Variants in CROCC observed in about 807,000 individuals in gnomAD.
CROCC encodes rootletin.
In CROCC, 180 loss-of-function variants were observed where a neutral mutation model predicts 245.2. That is an observed-to-expected ratio of 0.73 (90% CI 0.65 to 0.83). CROCC has a LOEUF of 0.83. CROCC is among the 40% of genes least tolerant of loss of function. The probability of loss-of-function intolerance (pLI) is 0.00; values close to 1 mark genes in which losing one functional copy is unlikely to be tolerated. For missense variants in CROCC, 2,688 were observed against 2,779.4 expected (o/e 0.97, Z 0.74); for synonymous variants, 1,205 against 1,241.6 (o/e 0.97, Z 0.62).
At position 16,969,256 on chromosome 1, in the gene CROCC, T is replaced by C. The variant is rs553170121; in HGVS notation, c.5217T>C (p.Ser1739=). Residue 1739 remains serine (S), a synonymous_variant, in exon 32 of 37, where the codon AGT becomes AGC. Transcript: ENST00000375541. ...RGLTEALAQS[S]ASLNSTRDKN... is the part of the protein sequence containing the mutation. ...TGACAGAGGCCCTGGCCCAGAGCAG[T>C]GCCAGCCTCAACAGCACCCGGGACA... 5 of 1,613,314 alleles carry C rather than the reference T, an allele frequency of 3.1e-6. No homozygotes were observed. The highest frequency in any genetic ancestry group is 2.7e-5 in the African/African-American group (2 of 75,018).
chr1:16,945,400 G>C (rs1262342296), intron 14 of CROCC, 62 bp from the exon 15 acceptor site: 14 of 1,605,762 alleles, frequency 8.7e-6, no homozygotes, highest in Admixed American at 1.7e-5. Flanking sequence ...GCATCTCGCT[G>C]GCTACAGGAG....
chr1:16,948,340 C>T lies in CROCC; in HGVS notation c.2524C>T (p.Gln842Ter). 6.4e-7 allele frequency: 1 copy of T among 1,569,468 alleles called. No individual in the cohort carries two copies. The highest frequency in any genetic ancestry group is 8.6e-7 in the Non-Finnish European group (1 of 1,162,358). Residue 842 changes from glutamine to a stop codon, truncating the protein, a stop_gained, in exon 18 of 37, where the codon CAG (glutamine) becomes TAG (stop). Transcript: ENST00000375541. LOFTEE classifies it high-confidence loss of function. ...TCTGGGTGGGGGCCAGCTCTCCCGG[C>T]AGCTGAGCGGGCGGGAGCAGGAGCT... ...LQEQLAQLSR[Q>*]LSGREQELEQ... is the part of the protein sequence containing the mutation.
Position 16,951,040 on chromosome 1 carries a change from A to T in CROCC, c.2924A>T (p.Gln975Leu). 6.2e-7 allele frequency: 1 copy of T among 1,606,994 alleles called. No individual in the cohort carries two copies. Among genetic ancestry groups the T allele is most frequent in the South Asian group, 1.1e-5 (1 of 89,944 alleles). The change falls in exon 20 of 37, where the codon CAG becomes CTG. Residue 975 changes from glutamine to leucine, a missense_variant. Physicochemically the swap from Gln to Leu is moderately radical, Grantham distance 113. Transcript: ENST00000375541. ...DKELMAQKLV[Q>L]AEREAQASLR... ...GAGCTGATGGCCCAGAAGCTGGTGC[A>T]GGCTGAGCGGGAGGCCCAGGCCTCT...
chr1:16,915,700 C>T (rs1453386750), intron 1 of CROCC, among the ~76,000 whole-genome samples: 1 of 152,188 alleles, frequency 6.6e-6, no homozygotes, highest in Non-Finnish European at 1.5e-5. Flanking sequence ...ATGGAACAGC[C>T]ACTGGAGGGA....
chr1:16,918,746 T>TTG (rs200189906), upstream of CROCC, among the ~76,000 whole-genome samples: 782 of 150,932 alleles, frequency 5.2e-3, 5 homozygotes, highest in African/African-American at 0.018. Flanking sequence ...TTGTTTTTGT[T>TTG]TTTTTTTTGA....
Position 16,960,855 on chromosome 1 carries a change from A to T in CROCC, c.4130A>T (p.Glu1377Val). Residue 1377 changes from glutamate to valine, a missense_variant, in exon 27 of 37, where the codon GAA becomes GTA. By Grantham distance (121) the Glu-to-Val change is moderately radical. Around this residue, in one of 9 missense-constraint regions of CROCC, gnomAD observed 1,218 missense variants for 1,286.3 expected, o/e 0.95. Coordinates refer to ENST00000375541, the MANE Select transcript of CROCC (RefSeq NM_014675.5). ...TCCCTGGAGGAGGCGCGTGGCACTG[A>T]AAAGCAGCAGCTGGACCACGCCCGC... ...LGSLEEARGT[E>V]KQQLDHARGL... The T allele has an allele frequency of 6.6e-7, 1 of 1,519,200 alleles. No individual in the cohort carries two copies. The highest frequency in any genetic ancestry group is 1.4e-5 in the African/African-American group (1 of 71,412). The allele number at this position is 1,519,200 out of a possible 1,614,324, so 94.1% of individuals were successfully genotyped here. A position where few individuals can be genotyped will look rare whatever the true frequency, so the allele number is the denominator to read the frequency against.
rs528230104 is a variant in CROCC, at chr1:16,931,364, G to A, written c.923G>A (p.Arg308Gln). The change falls in exon 8 of 37, where the codon CGG becomes CAG. Residue 308 changes from arginine (R) to glutamine (Q), a missense_variant. Coordinates refer to ENST00000375541, the MANE Select transcript of CROCC (RefSeq NM_014675.5). ...TGGAGGCAGGTGGTGGGGTTCCGGC[G>A]GCTGGTCAGCGAGGTGAAGATGTTC... The part of the protein sequence containing the change: ...LLWRQVVGFR[R>Q]LVSEVKMFTE... The A allele has an allele frequency of 4.6e-4, 745 of 1,612,244 alleles. 1 individual carries two copies. In the South Asian group the frequency reaches 7.7e-3, roughly 17 times the overall value.
At chr1:16,951,530 G>A (rs889065298) in intron 20 of CROCC, among the ~76,000 whole-genome samples, 1 of 152,184 alleles carries the variant, frequency 6.6e-6, no homozygotes, top group African/African-American at 2.4e-5. Flanking sequence ...ATCGAATCTT[G>A]GTCGCTTACT....
Position 16,956,070 on chromosome 1 carries a change from G to A in CROCC, c.3778G>A (p.Glu1260Lys). 13 of 1,551,138 alleles carry A rather than the reference G, an allele frequency of 8.4e-6. No individual in the cohort carries two copies. The highest frequency in any genetic ancestry group is 8.7e-6 in the Non-Finnish European group (10 of 1,147,016). ...LEEARTAVGK[E>K]AGELRTGLQE... ...GGAGGCACGGACAGCTGTGGGCAAG[G>A]AGGCCGGGGAGCTGCGAACTGGGCT... Residue 1260 changes from glutamate (E) to lysine (K), a missense_variant, in exon 25 of 37, where the codon GAG becomes AAG. Physicochemically the swap from Glu to Lys is moderately conservative, Grantham distance 56. This residue lies in a region of CROCC where 1,218 missense variants were observed against 1,286.3 expected (regional missense o/e 0.95). Coordinates refer to ENST00000375541, the MANE Select transcript of CROCC (RefSeq NM_014675.5).
rs2075650702 is a variant in CROCC at position 16,930,567 on chromosome 1, G to A, written c.822G>A (p.Arg274=). 4 of 1,612,066 alleles carry A rather than the reference G, an allele frequency of 2.5e-6. No homozygotes were observed. The highest frequency in any genetic ancestry group is 3.4e-6 in the Non-Finnish European group (4 of 1,179,630). The change falls in exon 7 of 37, where the codon CGG becomes CGA. Residue 274 remains arginine, a synonymous_variant. Transcript: ENST00000375541. ...WTRCRKELEH[R]EAAWRREEES... is the part of the protein sequence containing the mutation. ...GCTGCCGCAAGGAGCTGGAGCACCG[G>A]GAGGCGGCGTGGAGGCGCGAGGAGG...
At chr1:16,943,953 T>G (rs572131294) in intron 13 of CROCC, 147 bp from the exon 14 acceptor site, 46 of 784,270 alleles carry the variant, frequency 5.9e-5, no homozygotes, top group Non-Finnish European at 8.5e-5. Context: ...GAGTCAGCCA[T>G]GGACAGGGTG....
chr1:16,959,430 C>T (rs969946584), intron 26 of CROCC, among the ~76,000 whole-genome samples: 5 of 152,232 alleles, frequency 3.3e-5, no homozygotes, highest in Non-Finnish European at 5.9e-5. Flanking sequence ...GCTACCCGCT[C>T]TGCCTTTTCC....
rs1370758901 is a variant in CROCC at position 16,970,741 on chromosome 1, G to A, written c.5758G>A (p.Ala1920Thr). 6.3e-6 allele frequency: 10 copies of A among 1,599,856 alleles called. 1 individual carries two copies. In the East Asian group the frequency reaches 2.0e-4, roughly 32 times the overall value. The change falls in exon 35 of 37, where the codon GCG becomes ACG. Residue 1920 changes from alanine (A) to threonine (T), a missense_variant. Physicochemically the swap from Ala to Thr is moderately conservative, Grantham distance 58 (BLOSUM62 0). Around this residue, in one of 9 missense-constraint regions of CROCC, gnomAD observed 1,218 missense variants for 1,286.3 expected, o/e 0.95. Coordinates refer to ENST00000375541, the MANE Select transcript of CROCC (RefSeq NM_014675.5). ...LTGAELELAE[A>T]QRQIQQLEAQ... The stretch of plus-strand genomic sequence containing the variant: ...GGGGGCTGAGCTGGAGCTGGCAGAG[G>A]CGCAGAGGCAGATCCAGCAGCTGGA...
chr1:16,958,422 G>A (rs41306569), intron 25 of CROCC, among the ~76,000 whole-genome samples, 161 bp from the exon 26 acceptor site: 10 of 152,316 alleles, frequency 6.6e-5, no homozygotes, highest in South Asian at 2.1e-4. Context: ...GCCTGGCATC[G>A]CCCAAGTTCA....
upstream of CROCC, among the ~76,000 whole-genome samples, chr1:16,918,300 C>CTTTTTTTTTTTTT (rs201445636): frequency 8.1e-6 from 1 of 123,872 alleles, no homozygotes; most frequent in African/African-American, 2.9e-5. Context: ...GGAATTCAGT[C>CTTTTTTTTTTTTT]TTTTTTTTTT....
At chr1:16,919,689 C>G (rs112356840), upstream of CROCC, among the ~76,000 whole-genome samples, 1 of 152,196 alleles carries the variant, frequency 6.6e-6, no homozygotes, top group South Asian at 2.1e-4. Context: ...GGAACAGTGG[C>G]CCCCATTGGC....
At position 16,946,290 on chromosome 1, in the gene CROCC, C is replaced by T. The variant is rs1379351953; in HGVS notation, c.2168C>T (p.Ser723Phe). 3.1e-6 allele frequency: 5 copies of T among 1,613,534 alleles called. No individual in the cohort carries two copies. The highest frequency in any genetic ancestry group is 4.5e-5 in the East Asian group (2 of 44,892). The change falls in exon 16 of 37, where the codon TCC (serine) becomes TTC (phenylalanine). Residue 723 changes from serine (S) to phenylalanine (F), a missense_variant. Transcript: ENST00000375541. ...GCTGGCCGCGTGGAGCTCGAGCTCTCCATGACCAAGCTGAGGGCAGAGGAG... is the reference window on the plus strand; with the variant it reads ...GCTGGCCGCGTGGAGCTCGAGCTCTTCATGACCAAGCTGAGGGCAGAGGAG... Reference protein sequence around the residue: ...AEAGRVELELSMTKLRAEEAS... With the variant: ...AEAGRVELELFMTKLRAEEAS...
At chr1:16,951,294 G>A (rs189871536) in intron 20 of CROCC, 172 bp downstream of exon 20, 22 of 535,932 alleles carry the variant, frequency 4.1e-5, no homozygotes, top group Non-Finnish European at 6.7e-5. Context: ...TATTAGACAT[G>A]CAGATTCCCA....
At position 16,966,719 on chromosome 1, in the gene CROCC, G is replaced by A. The variant is rs977540896; in HGVS notation, c.4860+148G>A. On this transcript the variant is annotated intron_variant, in intron 30 of 36. Coordinates refer to ENST00000375541, the MANE Select transcript of CROCC (RefSeq NM_014675.5). The surrounding 1 kb of genome is among the most constrained non-coding windows in gnomAD (Gnocchi z 4.8). ...CCAGCCTGTGACTCTGTGAAACCAT[G>A]TTCAGACTCCATCCTCTCATGTCAC... 5 of 928,326 alleles carry A rather than the reference G, an allele frequency of 5.4e-6. No homozygotes were observed. In the Admixed American group the frequency reaches 1.7e-4, roughly 32 times the overall value. The allele number at this position is 928,326 out of a possible 1,614,324, so 57.5% of individuals were successfully genotyped here. A position where few individuals can be genotyped will look rare whatever the true frequency, so the allele number is the denominator to read the frequency against.
Sources: gnomAD v4.1 joint callset for allele counts (sites outside exome capture counted in the v4.1 genomes callset) on GRCh38, gnomAD v4.1.1 for gene constraint, gnomAD v4.1.1 regional missense constraint, Gnocchi (gnomAD v3.1) non-coding constraint, MANE v1.5 for transcripts, NCBI Gene and HGNC (gene_info 2026-07-23, HGNC 2026-07-21) for gene names.